TRPC1: variants seen among roughly 807,000 people sequenced by gnomAD.
TRPC1 encodes the protein transient receptor potential cation channel subfamily C member 1.
TRPC1 carries 42 observed loss-of-function variants against 88.2 expected under a neutral mutation model. The observed-to-expected ratio is 0.48, with a 90% CI of 0.37 to 0.62. The LOEUF (loss-of-function observed/expected upper bound fraction) is 0.62, where lower values mean the gene tolerates loss of function less well. Ranked by LOEUF, TRPC1 falls within the 20% of genes least tolerant of loss-of-function variation. TRPC1 has a pLI of 0.00. For synonymous variants in TRPC1, 288 were observed against 331.8 expected (o/e 0.87, Z 1.43); for missense variants, 699 against 957.3 (o/e 0.73, Z 3.56).
At chr3:142,766,105 A>G (rs1042998128) in intron 4 of TRPC1, among the ~76,000 whole-genome samples, 4 of 152,156 alleles carry the variant, frequency 2.6e-5, no homozygotes, top group African/African-American at 9.6e-5. Flanking sequence ...ATTTACATCA[A>G]TATAACTCTG....
At chr3:142,745,452 T>C (rs942402811) in intron 3 of TRPC1, among the ~76,000 whole-genome samples, 11 of 152,256 alleles carry the variant, frequency 7.2e-5, no homozygotes, top group African/African-American at 1.9e-4. Flanking sequence ...AAGACTAGCC[T>C]GACCAATATG....
At chr3:142,802,148 C>T in intron 9 of TRPC1, 21 bp from the exon 10 acceptor site, 1 of 1,454,952 alleles carries the variant, frequency 6.9e-7, no homozygotes, top group Non-Finnish European at 9.1e-7. Flanking sequence ...TTAATGAACA[C>T]CTGTGTAATA....
intron 1 of TRPC1, among the ~76,000 whole-genome samples, chr3:142,726,987 C>T (rs1933699768): frequency 6.6e-6 from 1 of 152,198 alleles, no homozygotes; most frequent in African/African-American, 2.4e-5. Context: ...CCCAAGGTTA[C>T]ATTGGTTAGA....
chr3:142,775,406 C>T (rs1329770234), intron 4 of TRPC1, among the ~76,000 whole-genome samples: 1 of 152,170 alleles, frequency 6.6e-6, no homozygotes, highest in South Asian at 2.1e-4. Context: ...ATCACTTGAG[C>T]CTAGGAGTTC....
Position 142,792,252 on chromosome 3 carries a change from T to A in TRPC1, c.1438-572T>A, listed in dbSNP as rs1396545851. Among the ~76,000 whole-genome samples, 1 of 152,032 alleles carries A rather than the reference T, an allele frequency of 6.6e-6. No individual in the cohort carries two copies. The highest frequency in any genetic ancestry group is 1.9e-4 in the East Asian group (1 of 5,202). On this transcript the variant is annotated intron_variant, in intron 8 of 12. Coordinates refer to ENST00000476941, the MANE Select transcript of TRPC1 (RefSeq NM_001251845.2). The surrounding 1 kb of genome is among the most constrained non-coding windows in gnomAD (Gnocchi z 4.0). ...TTCTATAAGTGGAGTACCCATATAA[T>A]TTTTTATCCAAATCAGGACATTTTG...
intron 12 of TRPC1, 29 bp downstream of exon 12, chr3:142,804,659 A>C (rs1415659321): frequency 6.4e-7 from 1 of 1,563,100 alleles, no homozygotes; most frequent in South Asian, 1.2e-5. Flanking sequence ...GAATGGCAAC[A>C]TAAAAGTTTT....
At chr3:142,733,602 A>G (rs143065897) in intron 1 of TRPC1, among the ~76,000 whole-genome samples, 3 of 152,322 alleles carry the variant, frequency 2.0e-5, no homozygotes, top group East Asian at 1.9e-4. Flanking sequence ...TTAAACATGT[A>G]GCAGTTATTT....
At position 142,731,546 on chromosome 3, in the gene TRPC1, G is replaced by A. The variant is rs557244614; in HGVS notation, c.173-4833G>A. Among the ~76,000 whole-genome samples the A allele has an allele frequency of 2.1e-4, 32 of 151,688 alleles. 1 individual carries two copies. In the East Asian group the frequency reaches 2.9e-3, roughly 14 times the overall value. ...ACTACAGGTGCCCCCCACCATGCCC[G>A]GCTAATTTTTTGTATTTTTAGTAGA... is the stretch of plus-strand genomic sequence containing the variant. On this transcript the variant is annotated intron_variant, in intron 1 of 12. Coordinates refer to ENST00000476941, the MANE Select transcript of TRPC1 (RefSeq NM_001251845.2).
At chr3:142,758,535 G>C (rs965259628) in intron 4 of TRPC1, among the ~76,000 whole-genome samples, 1 of 152,010 alleles carries the variant, frequency 6.6e-6, no homozygotes, top group African/African-American at 2.4e-5. Flanking sequence ...ACATATTCTG[G>C]TTATTAATCT....
chr3:142,777,622 T>G lies in TRPC1; in HGVS notation c.633-10T>G. The G allele has an allele frequency of 6.4e-7, 1 of 1,559,362 alleles. No individual in the cohort carries two copies. The highest frequency in any genetic ancestry group is 1.3e-5 in the South Asian group (1 of 78,824). The stretch of plus-strand genomic sequence containing the variant: ...TTTATTTTACATTATGGAATCCAAT[T>G]TTATCACAGGTTTCGTCTTGATATA... On this transcript the variant is annotated splice_polypyrimidine_tract_variant and intron_variant, in intron 4 of 12. Coordinates refer to ENST00000476941, the MANE Select transcript of TRPC1 (RefSeq NM_001251845.2).
At chr3:142,787,097 GATTA>G (rs1430351627) in intron 7 of TRPC1, among the ~76,000 whole-genome samples, 2 of 152,124 alleles carry the variant, frequency 1.3e-5, no homozygotes, top group East Asian at 1.9e-4. Flanking sequence ...CACATAATAT[GATTA>G]ATTTTCTAAC....
intron 4 of TRPC1, among the ~76,000 whole-genome samples, chr3:142,777,021 T>C (rs1363830243): frequency 6.6e-6 from 1 of 151,646 alleles, no homozygotes; most frequent in Non-Finnish European, 1.5e-5. Flanking sequence ...TAAAATTATG[T>C]TGGGTTCAAA....
intron 4 of TRPC1, among the ~76,000 whole-genome samples, chr3:142,756,464 A>G (rs1934969135): frequency 2.0e-5 from 3 of 150,232 alleles, no homozygotes; most frequent in South Asian, 2.1e-4. Context: ...GGTTCACGCC[A>G]TTCTGCTACC....
In TRPC1 at chr3:142,739,075, G is replaced by A. The variant is rs143869182; in HGVS notation, c.327+2542G>A. Among the ~76,000 whole-genome samples, 1,423 of 152,068 alleles carry A rather than the reference G, an allele frequency of 9.4e-3. 29 individuals carry two copies. Among genetic ancestry groups the A allele is most frequent in the African/African-American group, 0.033 (1,360 of 41,470 alleles). ...CAACCTCTGCCTCCTGGGTTCAAGCGATTCTCCTGCCTCAGCCTCCCAAGT... is the reference window on the plus strand; with the variant it reads ...CAACCTCTGCCTCCTGGGTTCAAGCAATTCTCCTGCCTCAGCCTCCCAAGT... On this transcript the variant is annotated intron_variant, in intron 2 of 12. Coordinates refer to ENST00000476941, the MANE Select transcript of TRPC1 (RefSeq NM_001251845.2).
chr3:142,731,374 A>ATTTTTT (rs59613066), intron 1 of TRPC1, among the ~76,000 whole-genome samples: 4 of 79,522 alleles, frequency 5.0e-5, no homozygotes, highest in South Asian at 4.9e-4. Flanking sequence ...ATATGTTTTG[A>ATTTTTT]TTTTTTTTTT....
At chr3:142,745,876 G>C (rs551045113) in intron 3 of TRPC1, among the ~76,000 whole-genome samples, 3 of 152,070 alleles carry the variant, frequency 2.0e-5, no homozygotes, top group Admixed American at 6.5e-5. Context: ...TCCTGCTTCA[G>C]CCTCCGGAGT....
intron 1 of TRPC1, among the ~76,000 whole-genome samples, chr3:142,732,267 T>G (rs1222720163): frequency 6.6e-6 from 1 of 152,206 alleles, no homozygotes; most frequent in Non-Finnish European, 1.5e-5. Context: ...CTACCCTCCC[T>G]GGAGGCTGAG....
At chr3:142,741,879 T>C (rs898194016) in intron 2 of TRPC1, among the ~76,000 whole-genome samples, 2 of 152,166 alleles carry the variant, frequency 1.3e-5, no homozygotes, top group Admixed American at 1.3e-4. Flanking sequence ...TTAAAAATCA[T>C]AGGCTGGGCG....
chr3:142,777,587 T>C lies in TRPC1; in HGVS notation c.633-45T>C, dbSNP rs375026475. 2.3e-6 allele frequency: 3 copies of C among 1,324,604 alleles called. No homozygotes were observed. In the African/African-American group the frequency reaches 4.5e-5, roughly 20 times the overall value. 82.1% of individuals were successfully genotyped at this position (1,324,604 alleles called of 1,614,324 possible). On this transcript the variant is annotated intron_variant, in intron 4 of 12. Coordinates refer to ENST00000476941, the MANE Select transcript of TRPC1 (RefSeq NM_001251845.2). The stretch of plus-strand genomic sequence containing the variant: ...ATTATAGATTAAAATACGAATTATA[T>C]GTGTATAAGTTTATTTTACATTATG...
Sources: gnomAD v4.1 joint callset for allele counts (sites outside exome capture counted in the v4.1 genomes callset) on GRCh38, gnomAD v4.1.1 for gene constraint, Gnocchi (gnomAD v3.1) non-coding constraint, MANE v1.5 for transcripts, NCBI Gene and HGNC (gene_info 2026-07-23, HGNC 2026-07-21) for gene names.